PALLD: variants seen among roughly 807,000 people sequenced by gnomAD.
PALLD encodes palladin.
Under a neutral mutation model 123.5 loss-of-function variants are expected in PALLD, and 61 were observed. The ratio of observed to expected loss-of-function variants is 0.49; its 90% CI spans 0.40 to 0.61. The LOEUF (loss-of-function observed/expected upper bound fraction) is 0.61. Among genes scored for constraint, PALLD ranks in the 20% least tolerant of loss-of-function variants. The probability of loss-of-function intolerance (pLI) is 0.00; values close to 1 mark genes in which losing one functional copy is unlikely to be tolerated. For synonymous variants in PALLD, 465 were observed against 496.4 expected, an observed-to-expected ratio of 0.94 and a Z score of 0.84; for missense variants, 1,273 against 1,377.0, an observed-to-expected ratio of 0.92 and a Z score of 1.20.
chr4:168,758,518 C>A (rs1161750314), intron 10 of PALLD, among the ~76,000 whole-genome samples: 2 of 152,092 alleles, frequency 1.3e-5, no homozygotes, highest in African/African-American at 4.8e-5. Flanking sequence ...GCATCTCAGG[C>A]GTGTAGGTTC....
At chr4:168,897,580 G>A (rs1755488297) in intron 13 of PALLD, among the ~76,000 whole-genome samples, 1 of 152,062 alleles carries the variant, frequency 6.6e-6, no homozygotes, top group Non-Finnish European at 1.5e-5. Flanking sequence ...CCAAGTAGCT[G>A]GGACAACAGG....
intron 8 of PALLD, among the ~76,000 whole-genome samples, chr4:168,707,314 G>T (rs1784321812): frequency 6.6e-6 from 1 of 152,166 alleles, no homozygotes; most frequent in South Asian, 2.1e-4. Flanking sequence ...GAACTATTTG[G>T]CTTGACCTCA....
chr4:168,592,730 T>TAA (rs56404479), intron 2 of PALLD, among the ~76,000 whole-genome samples: 1 of 146,854 alleles, frequency 6.8e-6, no homozygotes, highest in African/African-American at 2.5e-5. Flanking sequence ...TTTGAAATAT[T>TAA]AAAAAAAAAA....
At chr4:168,838,703 T>C (rs1745570140) in intron 10 of PALLD, among the ~76,000 whole-genome samples, 1 of 141,720 alleles carries the variant, frequency 7.1e-6, no homozygotes, top group Non-Finnish European at 1.5e-5. Flanking sequence ...TGCTGTGTCA[T>C]TTACTTGGAG....
At chr4:168,808,485 A>G (rs867755811) in intron 10 of PALLD, among the ~76,000 whole-genome samples, 1 of 152,194 alleles carries the variant, frequency 6.6e-6, no homozygotes, top group South Asian at 2.1e-4. Flanking sequence ...ATCTCAAAAA[A>G]ACAAAACAAA....
At chr4:168,525,741 CAGA>C (rs764841464) in intron 2 of PALLD, among the ~76,000 whole-genome samples, 42 of 152,150 alleles carry the variant, frequency 2.8e-4, no homozygotes, top group Non-Finnish European at 5.7e-4. Context: ...AGATATTCCA[CAGA>C]AGAAGAATGA....
intron 2 of PALLD, among the ~76,000 whole-genome samples, chr4:168,616,894 C>A (rs957270547): frequency 2.0e-5 from 3 of 152,124 alleles, no homozygotes; most frequent in African/African-American, 7.2e-5. Flanking sequence ...CCTCATGCCT[C>A]AAGTAATAGA....
intron 10 of PALLD, among the ~76,000 whole-genome samples, chr4:168,753,395 G>A (rs1444339885): frequency 1.7e-5 from 2 of 119,176 alleles, no homozygotes; most frequent in Non-Finnish European, 3.4e-5. Context: ...TCTCTCCCCC[G>A]ACCCTCTCCT....
At chr4:168,839,154 A>G (rs1368225333) in intron 10 of PALLD, among the ~76,000 whole-genome samples, 2 of 152,088 alleles carry the variant, frequency 1.3e-5, no homozygotes, top group Non-Finnish European at 2.9e-5. Context: ...AGGTCTTGCC[A>G]TGTTGCTCAG....
At position 168,690,656 on chromosome 4, in the gene PALLD, G is replaced by A; in HGVS notation, c.1389G>A (p.Arg463=). 6.2e-7 allele frequency: 1 copy of A among 1,614,140 alleles called. No individual in the cohort carries two copies. The highest frequency in any genetic ancestry group is 1.7e-5 in the Admixed American group (1 of 60,030). ...AEGQVVVLEC[R]VRGAPPLQVQ... ...GCCAGGTGGTGGTTCTGGAGTGCCGGGTCCGTGGGGCACCCCCTCTGCAGG... is the reference window on the plus strand; with the variant it reads ...GCCAGGTGGTGGTTCTGGAGTGCCGAGTCCGTGGGGCACCCCCTCTGCAGG... The change falls in exon 7 of 22, where the codon CGG becomes CGA. Residue 463 remains arginine (R), a synonymous_variant. Transcript: ENST00000505667.
intron 10 of PALLD, among the ~76,000 whole-genome samples, chr4:168,770,055 G>A (rs1385940458): frequency 6.6e-6 from 1 of 152,144 alleles, no homozygotes; most frequent in Non-Finnish European, 1.5e-5. Flanking sequence ...AGAGGCTGAG[G>A]GAAAGGAAGA....
At chr4:168,851,570 G>T (rs1747798739) in intron 10 of PALLD, among the ~76,000 whole-genome samples, 1 of 152,112 alleles carries the variant, frequency 6.6e-6, no homozygotes, top group Non-Finnish European at 1.5e-5. Flanking sequence ...GTTTCACCAT[G>T]CTGGCCAGGC....
At position 168,902,604 on chromosome 4, in the gene PALLD, C is replaced by G. The variant is rs542312751; in HGVS notation, c.2473-1153C>G. On this transcript the variant is annotated intron_variant, in intron 14 of 21. Coordinates refer to ENST00000505667, the MANE Select transcript of PALLD (RefSeq NM_001166108.2). Reference sequence around the variant, plus strand: ...TTACAGTGAGCCAAGACTGCACCACCGCACTCTGCACTCCAGCCTGGGCAA... The same window carrying G: ...TTACAGTGAGCCAAGACTGCACCACGGCACTCTGCACTCCAGCCTGGGCAA... Among the ~76,000 whole-genome samples, 3 of 152,138 alleles carry G rather than the reference C, an allele frequency of 2.0e-5. No individual in the cohort carries two copies. In the South Asian group the frequency reaches 6.2e-4, roughly 32 times the overall value.
chr4:168,659,472 T>C (rs1778924265), intron 2 of PALLD, among the ~76,000 whole-genome samples: 2 of 152,154 alleles, frequency 1.3e-5, no homozygotes, highest in African/African-American at 4.8e-5. Context: ...ACCCGTGACA[T>C]CCCTTTGAAG....
intron 8 of PALLD, among the ~76,000 whole-genome samples, chr4:168,691,666 C>T (rs1782645783): frequency 6.6e-6 from 1 of 152,116 alleles, no homozygotes; most frequent in Non-Finnish European, 1.5e-5. Flanking sequence ...CTGATCAGAA[C>T]CCACTAACAA....
chr4:168,545,757 A>G (rs1329099375), intron 2 of PALLD, among the ~76,000 whole-genome samples: 1 of 152,200 alleles, frequency 6.6e-6, no homozygotes, highest in East Asian at 1.9e-4. Flanking sequence ...TTTATTTACA[A>G]TGACAAAACA....
intron 15 of PALLD, among the ~76,000 whole-genome samples, chr4:168,911,895 G>A (rs1388670255): frequency 6.6e-6 from 1 of 152,042 alleles, no homozygotes; most frequent in African/African-American, 2.4e-5. Flanking sequence ...CATATGTAGT[G>A]GTATAAAACT....
intron 10 of PALLD, 153 bp downstream of exon 10, chr4:168,712,076 A>G (rs1784886933): frequency 4.5e-6 from 3 of 668,946 alleles, no homozygotes; most frequent in Admixed American, 2.4e-5. Context: ...CAACAATATA[A>G]AAGACACCTA....
At chr4:168,534,694 C>T (rs901632118) in intron 2 of PALLD, among the ~76,000 whole-genome samples, 1 of 152,170 alleles carries the variant, frequency 6.6e-6, no homozygotes, top group Non-Finnish European at 1.5e-5. Flanking sequence ...TGCTTCTAAT[C>T]ATTTATTACC....
Sources: gnomAD v4.1 joint callset for allele counts (sites outside exome capture counted in the v4.1 genomes callset) on GRCh38, gnomAD v4.1.1 for gene constraint, MANE v1.5 for transcripts, NCBI Gene and HGNC (gene_info 2026-07-23, HGNC 2026-07-21) for gene names.